The following PCDH15 variants were observed in gnomAD, a reference collection of about 807,000 sequenced individuals.
The protein encoded by PCDH15 is protocadherin related 15, also known as protocadherin-15.
A neutral mutation model predicts 178.5 loss-of-function variants in PCDH15; 129 were observed. The ratio of observed to expected loss-of-function variants is 0.72; its 90% confidence interval spans 0.63 to 0.84. PCDH15 has a LOEUF of 0.84. PCDH15 is among the 40% of genes least tolerant of loss of function. PCDH15 has a pLI of 0.00. For synonymous variants in PCDH15, 800 were observed against 732.0 expected (o/e 1.09, Z -1.50); for missense variants, 2,230 against 2,099.9 (o/e 1.06, Z -1.21).
At chr10:54,184,432 G>A (rs970734869) in intron 12 of PCDH15, among the ~76,000 whole-genome samples, 13 of 151,708 alleles carry the variant, frequency 8.6e-5, no homozygotes, top group South Asian at 2.1e-4. Flanking sequence ...TGTTATTTAC[G>A]TGTTTGTGTG....
At chr10:54,047,344 T>C (rs2093676194) in intron 18 of PCDH15, among the ~76,000 whole-genome samples, 1 of 149,372 alleles carries the variant, frequency 6.7e-6, no homozygotes, top group Admixed American at 6.6e-5. Context: ...CAATTGTTCT[T>C]TGCATTCACA....
At chr10:54,951,705 T>A (rs1838344271) in intron 2 of PCDH15, among the ~76,000 whole-genome samples, 1 of 151,874 alleles carries the variant, frequency 6.6e-6, no homozygotes, top group Non-Finnish European at 1.5e-5. Context: ...ACTTTTGCTT[T>A]ACATCCACTC....
At chr10:54,552,640 G>A (rs1402322807) in intron 2 of PCDH15, among the ~76,000 whole-genome samples, 1 of 152,108 alleles carries the variant, frequency 6.6e-6, no homozygotes, top group East Asian at 1.9e-4. Flanking sequence ...CTACCTTATA[G>A]AATTGGTGGA....
upstream of PCDH15, among the ~76,000 whole-genome samples, chr10:55,323,296 C>A (rs1009267003): frequency 2.6e-5 from 4 of 152,188 alleles, no homozygotes; most frequent in African/African-American, 9.7e-5. Flanking sequence ...AATTGTGGGT[C>A]CCCACACAGA....
intron 2 of PCDH15, among the ~76,000 whole-genome samples, chr10:54,560,353 G>A (rs1487355596): frequency 6.6e-6 from 1 of 152,082 alleles, no homozygotes; most frequent in African/African-American, 2.4e-5. Flanking sequence ...TGCTTTGGAT[G>A]ATACTTTGTA....
intron 5 of PCDH15, among the ~76,000 whole-genome samples, chr10:54,361,432 C>G (rs1013105642): frequency 2.0e-5 from 3 of 152,032 alleles, no homozygotes; most frequent in African/African-American, 4.8e-5. Context: ...TTGTCATCAT[C>G]GTTCCTACCA....
At chr10:55,546,516 G>T (rs1841885886) in intron 2 of PCDH15, among the ~76,000 whole-genome samples, 1 of 151,886 alleles carries the variant, frequency 6.6e-6, no homozygotes, top group African/African-American at 2.4e-5. Context: ...GTTTACAGGG[G>T]GCAAATGTAA....
intron 8 of PCDH15, among the ~76,000 whole-genome samples, chr10:54,287,764 T>C (rs986531060): frequency 6.6e-6 from 1 of 152,164 alleles, no homozygotes; most frequent in African/African-American, 2.4e-5. Context: ...TTAACAGATA[T>C]TAATTATATC....
At chr10:55,595,892 C>T (rs1842927061) in intron 2 of PCDH15, among the ~76,000 whole-genome samples, 1 of 151,918 alleles carries the variant, frequency 6.6e-6, no homozygotes. Flanking sequence ...TAAGCTCAGT[C>T]AAGATACATA....
intron 2 of PCDH15, among the ~76,000 whole-genome samples, chr10:55,607,138 C>A (rs1398234362): frequency 6.6e-6 from 1 of 151,958 alleles, no homozygotes; most frequent in African/African-American, 2.4e-5. Flanking sequence ...CCAAAAAACA[C>A]ATGAAAAAAT....
intron 2 of PCDH15, among the ~76,000 whole-genome samples, chr10:55,529,741 G>GTATATA (rs56254743): frequency 0.073 from 4,570 of 62,572 alleles, 295 homozygotes; most frequent in East Asian, 0.18. Context: ...TTGTCTGTGA[G>GTATATA]TATATATATA....
chr10:54,552,701 G>A (rs977679855), intron 2 of PCDH15, among the ~76,000 whole-genome samples: 1 of 152,126 alleles, frequency 6.6e-6, no homozygotes, highest in Non-Finnish European at 1.5e-5. Flanking sequence ...CTAGTGGATG[G>A]TAAGTGTAAA....
intron 8 of PCDH15, among the ~76,000 whole-genome samples, chr10:54,293,367 G>A (rs2059547276): frequency 6.6e-6 from 1 of 152,128 alleles, no homozygotes; most frequent in Admixed American, 6.6e-5. Context: ...AAAAACCTGA[G>A]AGGAAAACCT....
At chr10:53,857,953 T>A (rs923294961) in intron 27 of PCDH15, among the ~76,000 whole-genome samples, 1 of 152,046 alleles carries the variant, frequency 6.6e-6, no homozygotes, top group African/African-American at 2.4e-5. Context: ...ATTCTACAGG[T>A]TTAACTCATT....
intron 3 of PCDH15, among the ~76,000 whole-genome samples, chr10:54,887,614 TTA>T (rs1954381279): frequency 6.6e-6 from 1 of 152,046 alleles, no homozygotes; most frequent in Admixed American, 6.6e-5. Flanking sequence ...TGAGAATAAA[TTA>T]TAAACTATTC....
chr10:54,157,925 C>A (rs575281220), intron 13 of PCDH15, among the ~76,000 whole-genome samples: 59 of 152,274 alleles, frequency 3.9e-4, no homozygotes, highest in African/African-American at 1.3e-3. Context: ...CAAGATTCAC[C>A]TTTGCTCCAG....
At chr10:54,670,396 G>A (rs995616509) in intron 1 of PCDH15, among the ~76,000 whole-genome samples, 2 of 152,070 alleles carry the variant, frequency 1.3e-5, no homozygotes, top group African/African-American at 4.8e-5. Flanking sequence ...ATTCAAATCA[G>A]TGTCTTAACA....
intron 3 of PCDH15, 54 bp downstream of exon 3, chr10:54,527,758 A>G (rs901295716): frequency 6.9e-7 from 1 of 1,452,114 alleles, no homozygotes; most frequent in African/African-American, 1.4e-5. Flanking sequence ...GAGAATTAAA[A>G]TCTGAAGAAA....
At chr10:55,484,268 C>T (rs1232745339) in intron 2 of PCDH15, among the ~76,000 whole-genome samples, 2 of 151,622 alleles carry the variant, frequency 1.3e-5, no homozygotes, top group East Asian at 2.0e-4. Context: ...TGCAAACCTG[C>T]ACTTGTACCC....
Sources: gnomAD v4.1 joint callset for allele counts (sites outside exome capture counted in the v4.1 genomes callset) on GRCh38, gnomAD v4.1.1 for gene constraint, MANE v1.5 for transcripts, NCBI Gene and HGNC (gene_info 2026-07-23, HGNC 2026-07-21) for gene names.